The following PCDH9 variants were observed in gnomAD, a reference collection of about 807,000 sequenced individuals.
PCDH9 encodes the protein protocadherin-9.
In PCDH9, 24 loss-of-function variants were observed where a neutral mutation model predicts 70.6. That is an observed-to-expected ratio of 0.34 (90% CI 0.25 to 0.48). PCDH9 has a LOEUF of 0.48. Ranked by LOEUF, PCDH9 falls within the 20% of genes least tolerant of loss-of-function variation. PCDH9 has a pLI of 0.99. For synonymous variants in PCDH9, 562 were observed against 558.5 expected, an observed-to-expected ratio of 1.01 and a Z score of -0.09; for missense variants, 1,281 against 1,503.6, an observed-to-expected ratio of 0.85 and a Z score of 2.45.
At chr13:66,728,857 A>C (rs1015701306) in intron 3 of PCDH9, among the ~76,000 whole-genome samples, 3 of 151,920 alleles carry the variant, frequency 2.0e-5, no homozygotes, top group Non-Finnish European at 4.4e-5. Context: ...TTGATTTTTA[A>C]TTCACTTTAT....
At chr13:66,592,633 C>T (rs1036577884) in intron 4 of PCDH9, among the ~76,000 whole-genome samples, 5 of 151,670 alleles carry the variant, frequency 3.3e-5, no homozygotes, top group African/African-American at 1.2e-4. Flanking sequence ...ATTCCAGATA[C>T]ATGTGTTTTT....
At chr13:66,387,419 T>A (rs1379572969) in intron 4 of PCDH9, among the ~76,000 whole-genome samples, 1 of 151,928 alleles carries the variant, frequency 6.6e-6, no homozygotes, top group Non-Finnish European at 1.5e-5. Context: ...TTGGTCCCCA[T>A]TGTTGGAGGT....
intron 4 of PCDH9, among the ~76,000 whole-genome samples, chr13:66,493,547 A>G (rs912482955): frequency 5.9e-5 from 9 of 152,154 alleles, no homozygotes; most frequent in Non-Finnish European, 1.2e-4. Flanking sequence ...ATTTTAAACC[A>G]TGAAATGTGA....
intron 3 of PCDH9, among the ~76,000 whole-genome samples, chr13:66,727,484 A>G (rs1244421255): frequency 6.6e-6 from 1 of 152,130 alleles, no homozygotes; most frequent in Non-Finnish European, 1.5e-5. Flanking sequence ...TACAGAAATT[A>G]TTACACTAGT....
rs183525507 is a variant in PCDH9, at chr13:67,069,101, A to T, written c.3036+156304T>A. 2.2e-3 allele frequency among the ~76,000 whole-genome samples: 342 copies of T among 152,280 alleles called. 2 individuals carry two copies. The highest frequency in any genetic ancestry group is 9.3e-3 in the South Asian group (45 of 4,828). ...ATTGAAAGGAACACTAAATAAAACTACTTGCCTCACATTTAATTCTCACTG... is the reference window on the plus strand; with the variant it reads ...ATTGAAAGGAACACTAAATAAAACTTCTTGCCTCACATTTAATTCTCACTG... On this transcript the variant is annotated intron_variant, in intron 2 of 4. Transcript: ENST00000377865.
At chr13:67,070,575 A>G (rs1478422685) in intron 2 of PCDH9, among the ~76,000 whole-genome samples, 1 of 152,178 alleles carries the variant, frequency 6.6e-6, no homozygotes, top group Non-Finnish European at 1.5e-5. Flanking sequence ...GAACAAGCAA[A>G]ACAACTATTT....
chr13:67,228,772 T>A (rs2089944377), intron 1 of PCDH9, among the ~76,000 whole-genome samples, 197 bp from the exon 2 acceptor site: 1 of 152,242 alleles, frequency 6.6e-6, no homozygotes, highest in Non-Finnish European at 1.5e-5. Context: ...TAAAATTTTC[T>A]ACTTTTGAAT....
At chr13:66,390,459 G>A (rs1383035325) in intron 4 of PCDH9, among the ~76,000 whole-genome samples, 1 of 152,162 alleles carries the variant, frequency 6.6e-6, no homozygotes, top group East Asian at 1.9e-4. Flanking sequence ...GGCAAGGCCA[G>A]GTGTGATGGC....
chr13:66,456,068 T>C (rs1429494306), intron 4 of PCDH9, among the ~76,000 whole-genome samples: 1 of 152,172 alleles, frequency 6.6e-6, no homozygotes, highest in Non-Finnish European at 1.5e-5. Context: ...TATTATGTAG[T>C]GTGTCTAAAT....
chr13:67,073,615 T>G (rs2085811633), intron 2 of PCDH9, among the ~76,000 whole-genome samples: 1 of 152,130 alleles, frequency 6.6e-6, no homozygotes, highest in South Asian at 2.1e-4. Flanking sequence ...TGTACATAGT[T>G]TTGAGATTCA....
intron 2 of PCDH9, among the ~76,000 whole-genome samples, chr13:67,056,088 G>A (rs566372109): frequency 1.3e-5 from 2 of 152,274 alleles, no homozygotes; most frequent in Non-Finnish European, 2.9e-5. Context: ...ACTGATTGCT[G>A]TTATTTTAAA....
At chr13:67,042,398 T>G (rs1268607242) in intron 2 of PCDH9, among the ~76,000 whole-genome samples, 2 of 151,986 alleles carry the variant, frequency 1.3e-5, no homozygotes, top group East Asian at 3.9e-4. Flanking sequence ...GAAGGAGAAG[T>G]GCCGAGCAAA....
intron 2 of PCDH9, among the ~76,000 whole-genome samples, chr13:67,117,117 A>G (rs928379857): frequency 6.6e-6 from 1 of 152,198 alleles, no homozygotes; most frequent in South Asian, 2.1e-4. Flanking sequence ...AATTTATGAT[A>G]CTGACACTAA....
At chr13:66,696,485 CT>C (rs2078564160) in intron 3 of PCDH9, among the ~76,000 whole-genome samples, 1 of 152,112 alleles carries the variant, frequency 6.6e-6, no homozygotes. Flanking sequence ...CTTCTCTAAC[CT>C]TTCCATAAAG....
At chr13:66,315,507 A>G (rs770759115) in intron 4 of PCDH9, among the ~76,000 whole-genome samples, 34 of 151,492 alleles carry the variant, frequency 2.2e-4, no homozygotes, top group Non-Finnish European at 4.9e-4. Context: ...TTTGAAATGG[A>G]GTTTCGCTCT....
At chr13:66,904,619 T>C (rs2082329940) in intron 2 of PCDH9, among the ~76,000 whole-genome samples, 1 of 151,994 alleles carries the variant, frequency 6.6e-6, no homozygotes, top group African/African-American at 2.4e-5. Flanking sequence ...TTTTCAAAAC[T>C]AGTATGCCAT....
chr13:66,476,485 G>C (rs181889915), intron 4 of PCDH9, among the ~76,000 whole-genome samples: 5 of 152,020 alleles, frequency 3.3e-5, no homozygotes, highest in East Asian at 1.9e-4. Flanking sequence ...CTAATTAACT[G>C]TAACTACATG....
intron 3 of PCDH9, among the ~76,000 whole-genome samples, chr13:66,779,849 C>CTATATATATATATATATA (rs1185055569): frequency 3.8e-5 from 3 of 78,910 alleles, no homozygotes; most frequent in South Asian, 6.6e-4. Context: ...CTCTCTCTCT[C>CTATATATATATATATATA]TATATATATA....
At chr13:67,176,798 C>A (rs1283350359) in intron 2 of PCDH9, among the ~76,000 whole-genome samples, 3 of 151,996 alleles carry the variant, frequency 2.0e-5, no homozygotes, top group Non-Finnish European at 4.4e-5. Context: ...TGTGAGGATA[C>A]TTTTATCAAC....
Sources: gnomAD v4.1 joint callset for allele counts (sites outside exome capture counted in the v4.1 genomes callset) on GRCh38, gnomAD v4.1.1 for gene constraint, MANE v1.5 for transcripts, NCBI Gene and HGNC (gene_info 2026-07-23, HGNC 2026-07-21) for gene names.